The following PLBD1 variants were observed in gnomAD, a reference collection of about 807,000 sequenced individuals.
PLBD1 encodes lysosomal leucine aminopeptidase.
Under a neutral mutation model 63.0 loss-of-function variants are expected in PLBD1, and 60 were observed. The observed-to-expected ratio is 0.95, with a 90% confidence interval of 0.77 to 1.18. PLBD1 has a LOEUF of 1.18. PLBD1 is among the 50% of genes most tolerant of loss of function. The probability of loss-of-function intolerance (pLI) is 0.00; values close to 1 mark genes in which losing one functional copy is unlikely to be tolerated. For missense variants in PLBD1, 598 were observed against 677.9 expected, an observed-to-expected ratio of 0.88 and a Z score of 1.31; for synonymous variants, 262 against 248.0, an observed-to-expected ratio of 1.06 and a Z score of -0.53.
intron 6 of PLBD1, among the ~76,000 whole-genome samples, chr12:14,526,239 A>G (rs1945414610): frequency 1.3e-5 from 2 of 152,214 alleles, no homozygotes; most frequent in African/African-American, 4.8e-5. Context: ...AAATGTACTA[A>G]TTATCTGTCT....
intron 3 of PLBD1, 80 bp downstream of exon 3, chr12:14,542,128 C>G: frequency 7.9e-7 from 1 of 1,258,228 alleles, no homozygotes; most frequent in Non-Finnish European, 1.2e-6. Flanking sequence ...AAGAAATTGG[C>G]AAAAAATTGC....
chr12:14,507,580 A>C (rs1313148963), intron 8 of PLBD1, among the ~76,000 whole-genome samples: 2 of 152,204 alleles, frequency 1.3e-5, no homozygotes, highest in Non-Finnish European at 2.9e-5. Flanking sequence ...TGGGAATAGA[A>C]AGCCTGAATT....
chr12:14,534,108 G>A (rs551011221), intron 6 of PLBD1, among the ~76,000 whole-genome samples: 29 of 152,274 alleles, frequency 1.9e-4, no homozygotes, highest in South Asian at 1.0e-3. Flanking sequence ...ACATTGTACC[G>A]CTACACTCCA....
Position 14,506,148 on chromosome 12 carries a change from C to G in PLBD1, c.1479+14G>C. ...GCTGGTGGGAATTAAATTCAAAAGC[C>G]AATAGCATGTTACCTTTGTGTCATA... On this transcript the variant is annotated intron_variant, in intron 10 of 10. Coordinates refer to ENST00000240617, the MANE Select transcript of PLBD1 (RefSeq NM_024829.6). 1 of 1,567,262 alleles carries G rather than the reference C, an allele frequency of 6.4e-7. No homozygotes were observed.
chr12:14,559,554 C>T (rs1176421265), intron 1 of PLBD1, among the ~76,000 whole-genome samples: 2 of 152,038 alleles, frequency 1.3e-5, no homozygotes, highest in Non-Finnish European at 2.9e-5. Flanking sequence ...CTAAATGGCT[C>T]GGAATCTTGG....
chr12:14,550,916 ACCTGT>A (rs1232242487), intron 2 of PLBD1, among the ~76,000 whole-genome samples: 1 of 151,556 alleles, frequency 6.6e-6, no homozygotes, highest in Non-Finnish European at 1.5e-5. Context: ...GGTGGCTCAC[ACCTGT>A]AGGCTCAACT....
At chr12:14,523,357 T>C (rs958945273) in intron 6 of PLBD1, among the ~76,000 whole-genome samples, 4 of 152,128 alleles carry the variant, frequency 2.6e-5, no homozygotes, top group Non-Finnish European at 5.9e-5. Flanking sequence ...TGGAAAGATA[T>C]TCCATGTTTA....
At chr12:14,511,440 A>G (rs1453384704) in intron 7 of PLBD1, 40 bp from the exon 8 acceptor site, 2 of 1,613,522 alleles carry the variant, frequency 1.2e-6, no homozygotes, top group African/African-American at 2.7e-5. Flanking sequence ...CATGGGTATG[A>G]CTTTACTGGT....
chr12:14,541,381 G>A (rs1014164223), intron 3 of PLBD1, among the ~76,000 whole-genome samples: 2 of 152,116 alleles, frequency 1.3e-5, no homozygotes, highest in Non-Finnish European at 2.9e-5. Flanking sequence ...GATTCATTCC[G>A]TTTCAGTTGT....
In PLBD1 at chr12:14,507,059, G is replaced by C. The variant is rs774738281; in HGVS notation, c.1246C>G (p.Pro416Ala). The change falls in exon 9 of 11, where the codon CCA becomes GCA. Residue 416 changes from proline (P) to alanine (A), a missense_variant. By Grantham distance (27) the Pro-to-Ala change is conservative. Coordinates refer to ENST00000240617, the MANE Select transcript of PLBD1 (RefSeq NM_024829.6). ...AAGCCCAGCTTCTGAACTAACAGTG[G>C]ATAGCCACTCCAGTTGTAGATTTTT... ...HEKIYNWSGYPLLVQKLGLDY... is the reference protein window; with the variant it reads ...HEKIYNWSGYALLVQKLGLDY... 3.1e-6 allele frequency: 5 copies of C among 1,613,712 alleles called. No homozygotes were observed. The highest frequency in any genetic ancestry group is 4.2e-6 in the Non-Finnish European group (5 of 1,179,778).
intron 2 of PLBD1, among the ~76,000 whole-genome samples, chr12:14,544,964 G>A (rs1415303906): frequency 1.3e-5 from 2 of 149,834 alleles, no homozygotes; most frequent in East Asian, 4.7e-4. Flanking sequence ...ATTTCTTTGT[G>A]GATTTTGGAA....
intron 6 of PLBD1, among the ~76,000 whole-genome samples, chr12:14,518,813 G>T (rs1945353974): frequency 6.6e-6 from 1 of 152,036 alleles, no homozygotes; most frequent in African/African-American, 2.4e-5. Context: ...TTATGCACAG[G>T]GTACCTAGGA....
chr12:14,544,325 C>T (rs572409273), intron 2 of PLBD1, among the ~76,000 whole-genome samples: 2 of 152,324 alleles, frequency 1.3e-5, no homozygotes, highest in Admixed American at 1.3e-4. Context: ...TGGCGTTTGC[C>T]ACCATGCCTG....
chr12:14,532,146 T>C (rs1945470287), intron 6 of PLBD1, among the ~76,000 whole-genome samples: 1 of 152,178 alleles, frequency 6.6e-6, no homozygotes. Context: ...AGCCTATAAG[T>C]CGAGCTGGAA....
Position 14,536,604 on chromosome 12 carries a change from C to T in PLBD1, c.665G>A (p.Arg222Lys), listed in dbSNP as rs781372711. Reference sequence around the variant, plus strand: ...AGCGGAGCAATGTCCCATGTCCCATCTCTTAAAAACCTTTAGGCTGCCGTT... The same window carrying T: ...AGCGGAGCAATGTCCCATGTCCCATTTCTTAAAAACCTTTAGGCTGCCGTT... The part of the protein sequence containing the change: ...TKNGSLKVFK[R>K]WDMGHCSALI... The change falls in exon 5 of 11, where the codon AGA (arginine) becomes AAA (lysine). Residue 222 changes from arginine (R) to lysine (K), a missense_variant. Arg to Lys is a conservative substitution (Grantham distance 26). Transcript: ENST00000240617. The T allele has an allele frequency of 6.8e-6, 11 of 1,614,200 alleles. No homozygotes were observed. Among genetic ancestry groups the T allele is most frequent in the Middle Eastern group, 1.6e-4 (1 of 6,062 alleles).
rs763496644 is a variant in PLBD1, at chr12:14,506,975, C to G, written c.1330G>C (p.Val444Leu). 1 of 1,614,118 alleles carries G rather than the reference C, an allele frequency of 6.2e-7. No homozygotes were observed. Among genetic ancestry groups the G allele is most frequent in the Non-Finnish European group, 8.5e-7 (1 of 1,179,988 alleles). ...TATTTCATGGATGCCGTATCAGTCA[C>G]TTTCCCTTGGTCACGCCGGAAAATT... Reference protein sequence around the residue: ...AKIFRRDQGKVTDTASMKYIM... With the variant: ...AKIFRRDQGKLTDTASMKYIM... The change falls in exon 9 of 11, where the codon GTG (valine) becomes CTG (leucine). Residue 444 changes from valine to leucine, a missense_variant. Transcript: ENST00000240617.
At position 14,503,734 on chromosome 12, in the gene PLBD1, A is replaced by G. The variant is rs771902518; in HGVS notation, c.*38T>C. 1 of 1,538,870 alleles carries G rather than the reference A, an allele frequency of 6.5e-7. No homozygotes were observed. Among genetic ancestry groups the G allele is most frequent in the Non-Finnish European group, 8.9e-7 (1 of 1,120,684 alleles). The stretch of plus-strand genomic sequence containing the variant: ...ACATAGCTAAAATAGTGCCTTTGGT[A>G]TCTTATTTACAGTCTTCTAGTCCGT... On this transcript the variant is annotated 3_prime_UTR_variant, in exon 11 of 11. Transcript: ENST00000240617.
chr12:14,511,264 C>A lies in PLBD1; in HGVS notation c.1182G>T (p.Arg394=). 1 of 1,581,852 alleles carries A rather than the reference C, an allele frequency of 6.3e-7. No homozygotes were observed. The change falls in exon 8 of 11, where the codon CGG becomes CGT. Residue 394 remains arginine, a synonymous_variant. Coordinates refer to ENST00000240617, the MANE Select transcript of PLBD1 (RefSeq NM_024829.6). ...CTTACGACATGAAGAAAGTACCTTT[C>A]CGTAGAACATCAGTTTGTTCAGAAT... ...VEYSEQTDVL[R]KGYWPSYNVP...
chr12:14,552,671 T>C (rs752708132), intron 2 of PLBD1, among the ~76,000 whole-genome samples: 19 of 152,016 alleles, frequency 1.2e-4, no homozygotes, highest in Non-Finnish European at 2.4e-4. Context: ...GAGGCAAAGA[T>C]GGGAGGATGG....
Sources: gnomAD v4.1 joint callset for allele counts (sites outside exome capture counted in the v4.1 genomes callset) on GRCh38, gnomAD v4.1.1 for gene constraint, MANE v1.5 for transcripts, NCBI Gene and HGNC (gene_info 2026-07-23, HGNC 2026-07-21) for gene names.